The following GRM8 variants were observed in gnomAD, a reference collection of about 807,000 sequenced individuals.
GRM8 encodes the protein glutamate metabotropic receptor 8.
Under a neutral mutation model 87.2 loss-of-function variants are expected in GRM8, and 47 were observed. The observed-to-expected ratio is 0.54, with a 90% CI of 0.43 to 0.69. The LOEUF (loss-of-function observed/expected upper bound fraction) is 0.69. Among genes scored for constraint, GRM8 ranks in the 30% least tolerant of loss-of-function variants. The pLI is 0.00. For synonymous variants in GRM8, 396 were observed against 404.5 expected (o/e 0.98, Z 0.25); for missense variants, 1,019 against 1,139.2 (o/e 0.89, Z 1.52).
intron 9 of GRM8, among the ~76,000 whole-genome samples, chr7:126,500,503 A>C (rs1809480101): frequency 6.6e-6 from 1 of 151,934 alleles, no homozygotes; most frequent in South Asian, 2.1e-4. Flanking sequence ...TCCCCATAAG[A>C]ACTGGCACAG....
chr7:127,086,112 G>GT (rs746267405), intron 3 of GRM8, among the ~76,000 whole-genome samples: 1 of 152,242 alleles, frequency 6.6e-6, no homozygotes, highest in Non-Finnish European at 1.5e-5. Flanking sequence ...GTTTTGTTTT[G>GT]TTTTTTGAGA....
intron 3 of GRM8, among the ~76,000 whole-genome samples, chr7:126,978,059 C>T (rs550685356): frequency 6.6e-6 from 1 of 152,162 alleles, no homozygotes; most frequent in African/African-American, 2.4e-5. Context: ...AGTAGCAATA[C>T]AGGCAACTAA....
At chr7:126,630,617 T>C (rs1370742744) in intron 7 of GRM8, among the ~76,000 whole-genome samples, 3 of 152,032 alleles carry the variant, frequency 2.0e-5, no homozygotes, top group Admixed American at 6.6e-5. Context: ...TGAACATCAA[T>C]GGAAAAACGC....
chr7:127,088,001 G>T (rs1823682127), intron 3 of GRM8, among the ~76,000 whole-genome samples: 1 of 152,076 alleles, frequency 6.6e-6, no homozygotes, highest in African/African-American at 2.4e-5. Flanking sequence ...ATGAGGAAAT[G>T]AAAAATAATT....
At chr7:127,054,135 A>G (rs940858606) in intron 3 of GRM8, among the ~76,000 whole-genome samples, 1 of 152,150 alleles carries the variant, frequency 6.6e-6, no homozygotes, top group African/African-American at 2.4e-5. Flanking sequence ...TCACCCTTGT[A>G]TATCTAATTA....
intron 9 of GRM8, among the ~76,000 whole-genome samples, chr7:126,519,416 T>C (rs1812651830): frequency 6.6e-6 from 1 of 152,094 alleles, no homozygotes; most frequent in African/African-American, 2.4e-5. Context: ...AAGTTTGGAT[T>C]TGAGCTAATA....
chr7:126,688,939 G>A (rs970295178), intron 7 of GRM8, among the ~76,000 whole-genome samples: 8 of 152,096 alleles, frequency 5.3e-5, no homozygotes, highest in East Asian at 3.8e-4. Context: ...TTATTCACCC[G>A]CAAAGGAGCA....
intron 3 of GRM8, among the ~76,000 whole-genome samples, chr7:126,910,673 T>C (rs1329663090): frequency 6.6e-6 from 1 of 152,136 alleles, no homozygotes; most frequent in African/African-American, 2.4e-5. Flanking sequence ...ACCTAGGCCT[T>C]AGTGTATTCA....
chr7:127,119,107 G>A (rs558620944), intron 2 of GRM8, among the ~76,000 whole-genome samples: 4 of 152,286 alleles, frequency 2.6e-5, no homozygotes, highest in South Asian at 4.1e-4. Context: ...GTCAACAGGG[G>A]AAGGTAAGTG....
intron 7 of GRM8, among the ~76,000 whole-genome samples, chr7:126,729,988 T>C (rs1813417801): frequency 1.3e-5 from 2 of 152,112 alleles, no homozygotes; most frequent in African/African-American, 2.4e-5. Context: ...GTATCAGATA[T>C]GCAAGAGTTT....
At chr7:126,978,439 A>G (rs1017586558) in intron 3 of GRM8, among the ~76,000 whole-genome samples, 1 of 152,212 alleles carries the variant, frequency 6.6e-6, no homozygotes, top group African/African-American at 2.4e-5. Flanking sequence ...AGATCTGATC[A>G]GCATGCTCAA....
chr7:126,633,648 A>G (rs1473206597), intron 7 of GRM8, among the ~76,000 whole-genome samples: 3 of 152,174 alleles, frequency 2.0e-5, no homozygotes, highest in African/African-American at 7.2e-5. Context: ...AGTTAAAAAC[A>G]TATCTGTTTT....
chr7:127,229,513 C>T (rs1797550834), intron 2 of GRM8: 1 of 152,120 alleles, frequency 6.6e-6, no homozygotes, highest in Non-Finnish European at 1.5e-5. Flanking sequence ...TTTCCTGTAT[C>T]TTCCTTTCTC....
intron 2 of GRM8, among the ~76,000 whole-genome samples, chr7:127,159,667 A>G (rs964948884): frequency 1.3e-5 from 2 of 152,212 alleles, no homozygotes; most frequent in Non-Finnish European, 2.9e-5. Flanking sequence ...TTAGTAAATC[A>G]TATTTACAGT....
At chr7:126,701,895 T>G in intron 7 of GRM8, 2 of 550,150 alleles carry the variant, frequency 3.6e-6, no homozygotes, top group South Asian at 3.1e-5. Context: ...TGGTTTGCTT[T>G]AGACAGCCCC....
intron 3 of GRM8, among the ~76,000 whole-genome samples, chr7:126,911,661 G>A (rs1243710163): frequency 2.0e-5 from 3 of 152,176 alleles, no homozygotes; most frequent in Non-Finnish European, 4.4e-5. Flanking sequence ...CCTGATGCAG[G>A]GCTCAGGGGA....
At chr7:127,124,460 G>A (rs1312715701) in intron 2 of GRM8, among the ~76,000 whole-genome samples, 2 of 151,970 alleles carry the variant, frequency 1.3e-5, no homozygotes, top group Non-Finnish European at 2.9e-5. Flanking sequence ...ATCTCCTCTA[G>A]TTCATCTTTA....
intron 2 of GRM8, among the ~76,000 whole-genome samples, chr7:127,183,013 C>T (rs1318629327): frequency 6.6e-6 from 1 of 151,496 alleles, no homozygotes; most frequent in Non-Finnish European, 1.5e-5. Context: ...ACTCATGTAA[C>T]CAAATACCAC....
At position 126,874,611 on chromosome 7, in the gene GRM8, T is replaced by C. The variant is rs138736826; in HGVS notation, c.1156+27931A>G. Among the ~76,000 whole-genome samples, 22 of 152,204 alleles carry C rather than the reference T, an allele frequency of 1.4e-4. No individual in the cohort carries two copies. In the East Asian group the frequency reaches 4.2e-3, roughly 29 times the overall value. On this transcript the variant is annotated intron_variant, in intron 6 of 10. Transcript: ENST00000339582. ...TAAGTAAGCATTTTTATTCCCATAT[T>C]ACAATTGAGGAAAGGGAAGCTATGG... is the stretch of plus-strand genomic sequence containing the variant.
Sources: allele counts gnomAD v4.1 joint callset (sites outside exome capture counted in the v4.1 genomes callset), GRCh38; gene constraint gnomAD v4.1.1; transcripts MANE v1.5; gene names NCBI Gene and HGNC (gene_info 2026-07-23, HGNC 2026-07-21).